The following AMOTL1 variants were observed in gnomAD, a reference collection of about 807,000 sequenced individuals.
AMOTL1 encodes angiomotin like 1.
Under a neutral mutation model 102.9 loss-of-function variants are expected in AMOTL1, and 45 were observed. The observed-to-expected ratio is 0.44, with a 90% CI of 0.34 to 0.56. AMOTL1 has a LOEUF of 0.56. Ranked by LOEUF, AMOTL1 falls within the 20% of genes least tolerant of loss-of-function variation. AMOTL1 has a pLI of 0.01. For synonymous variants in AMOTL1, 481 were observed against 484.7 expected (o/e 0.99, Z 0.10); for missense variants, 1,114 against 1,225.6 (o/e 0.91, Z 1.36).
rs141413509 is a variant in AMOTL1, at chr11:94,786,909, A to G, written c.50-8102A>G. ...CATGATGTGTCAGAAACTCTTCGGT[A>G]CTAGGAACATATGCAGACGATTCAT... On this transcript the variant is annotated intron_variant, in intron 1 of 12. Coordinates refer to ENST00000433060, the MANE Select transcript of AMOTL1 (RefSeq NM_130847.3). Among the ~76,000 whole-genome samples, 536 of 152,354 alleles carry G rather than the reference A, an allele frequency of 3.5e-3. 6 individuals are homozygous for G. The highest frequency in any genetic ancestry group is 0.012 in the African/African-American group (496 of 41,584).
At chr11:94,863,422 A>G (rs1426092629) in intron 9 of AMOTL1, among the ~76,000 whole-genome samples, 1 of 152,090 alleles carries the variant, frequency 6.6e-6, no homozygotes, top group Non-Finnish European at 1.5e-5. Flanking sequence ...GTGAAACACC[A>G]TTTCTACTAA....
In AMOTL1 at chr11:94,821,611, A is replaced by G. The variant is rs1334814827; in HGVS notation, c.1203A>G (p.Pro401=). 3 of 1,613,704 alleles carry G rather than the reference A, an allele frequency of 1.9e-6. No homozygotes were observed. In the African/African-American group the frequency reaches 4.0e-5, roughly 22 times the overall value. Residue 401 remains proline (P), a synonymous_variant, in exon 4 of 13, where the codon CCA becomes CCG. Coordinates refer to ENST00000433060, the MANE Select transcript of AMOTL1 (RefSeq NM_130847.3). ...MSSQTSSASG[P]LHSVSLPLPL... Reference sequence around the variant, plus strand: ...CCCAGACCTCTTCCGCCAGCGGGCCACTGCACTCTGTCTCCCTGCCGCTTC... The same window carrying G: ...CCCAGACCTCTTCCGCCAGCGGGCCGCTGCACTCTGTCTCCCTGCCGCTTC...
chr11:94,821,782 A>G lies in AMOTL1; in HGVS notation c.1374A>G (p.Glu458=). ...LTEENRVLHQ[E]LQGYYDNADK... ...AGGAGAACCGGGTGCTTCACCAGGA[A>G]CTTCAGGGTTACTACGACAATGCCG... The change falls in exon 4 of 13, where the codon GAA becomes GAG. Residue 458 remains glutamate, a synonymous_variant. Coordinates refer to ENST00000433060, the MANE Select transcript of AMOTL1 (RefSeq NM_130847.3). 6.2e-7 allele frequency: 1 copy of G among 1,614,016 alleles called. No individual in the cohort carries two copies. The highest frequency in any genetic ancestry group is 1.3e-5 in the African/African-American group (1 of 75,048).
intron 5 of AMOTL1, 91 bp downstream of exon 5, chr11:94,830,285 A>G: frequency 4.8e-6 from 6 of 1,249,656 alleles, no homozygotes; most frequent in Non-Finnish European, 6.5e-6. Flanking sequence ...GCTTTGCCAC[A>G]GGTACTGGTC....
chr11:94,816,419 C>A (rs148482109), intron 3 of AMOTL1, among the ~76,000 whole-genome samples: 1 of 152,144 alleles, frequency 6.6e-6, no homozygotes, highest in African/African-American at 2.4e-5. Context: ...AATTGAAGTA[C>A]GCTTTTTATT....
At chr11:94,774,827 G>A (rs1951001498) in intron 1 of AMOTL1, among the ~76,000 whole-genome samples, 1 of 152,318 alleles carries the variant, frequency 6.6e-6, no homozygotes, top group Non-Finnish European at 1.5e-5. Context: ...TTGGAATGGA[G>A]TTTGTTCATC....
At chr11:94,831,349 G>T in intron 5 of AMOTL1, 103 bp from the exon 6 acceptor site, 1 of 903,040 alleles carries the variant, frequency 1.1e-6, no homozygotes, top group Non-Finnish European at 1.7e-6. Context: ...TCCTGCCTGA[G>T]CATCTCTTCC....
chr11:94,750,717 A>G (rs1378577564), intron 3 of AMOTL1, among the ~76,000 whole-genome samples: 1 of 152,188 alleles, frequency 6.6e-6, no homozygotes, highest in Non-Finnish European at 1.5e-5. Context: ...ACTTTTTCTC[A>G]GGATGATTGA....
chr11:94,818,331 G>A lies in AMOTL1; in HGVS notation c.1122-3199G>A, dbSNP rs376508374. ...ATGTCACTTTCTGACAGGCCCAGGA[G>A]CCCTAAGTTTTCTTGGGCCCTTGAG... On this transcript the variant is annotated intron_variant, in intron 3 of 12. Coordinates refer to ENST00000433060, the MANE Select transcript of AMOTL1 (RefSeq NM_130847.3). Among the ~76,000 whole-genome samples, 50 of 152,326 alleles carry A rather than the reference G, an allele frequency of 3.3e-4. 1 individual carries two copies. Among genetic ancestry groups the A allele is most frequent in the African/African-American group, 1.0e-3 (43 of 41,586 alleles).
rs759859520 is a variant in AMOTL1 at position 94,869,471 on chromosome 11, T to G, written c.2762T>G (p.Leu921Arg). The change falls in exon 12 of 13, where the codon CTG becomes CGG. Residue 921 changes from leucine (L) to arginine (R), a missense_variant and splice_region_variant. Leu to Arg is a moderately radical substitution (Grantham distance 102). Coordinates refer to ENST00000433060, the MANE Select transcript of AMOTL1 (RefSeq NM_130847.3). ...GCGGCCAAAGGGACCGCAGAGAAACTGGGTATGTGGGCTACCCCACCTTGA... is the reference window on the plus strand; with the variant it reads ...GCGGCCAAAGGGACCGCAGAGAAACGGGGTATGTGGGCTACCCCACCTTGA... ...HPAAKGTAEK[L>R]ENSPGHGKSP... The G allele has an allele frequency of 2.4e-5, 38 of 1,592,876 alleles. No individual in the cohort carries two copies. In the African/African-American group the frequency reaches 4.4e-4, roughly 19 times the overall value.
intron 1 of AMOTL1, among the ~76,000 whole-genome samples, chr11:94,725,478 C>T (rs72967841): frequency 0.029 from 4,445 of 152,152 alleles, 100 homozygotes; most frequent in Non-Finnish European, 0.048. Context: ...TAAGTGCCTC[C>T]CTTATGATGA....
chr11:94,821,616 A>G lies in AMOTL1; in HGVS notation c.1208A>G (p.His403Arg), dbSNP rs370254208. 7 of 1,613,354 alleles carry G rather than the reference A, an allele frequency of 4.3e-6. No homozygotes were observed. Among genetic ancestry groups the G allele is most frequent in the Non-Finnish European group, 5.9e-6 (7 of 1,179,760 alleles). ...SQTSSASGPL[H>R]SVSLPLPLPM... ...ACCTCTTCCGCCAGCGGGCCACTGC[A>G]CTCTGTCTCCCTGCCGCTTCCACTC... Residue 403 changes from histidine to arginine, a missense_variant, in exon 4 of 13, where the codon CAC becomes CGC. Physicochemically the swap from His to Arg is conservative, Grantham distance 29 (BLOSUM62 0). Coordinates refer to ENST00000433060, the MANE Select transcript of AMOTL1 (RefSeq NM_130847.3).
At chr11:94,725,462 C>G (rs891041877) in intron 1 of AMOTL1, among the ~76,000 whole-genome samples, 17 of 152,146 alleles carry the variant, frequency 1.1e-4, no homozygotes, top group Admixed American at 1.1e-3. Flanking sequence ...TTCAGCAAAT[C>G]TATATTAAGT....
chr11:94,804,271 T>C (rs1196314749), intron 3 of AMOTL1, among the ~76,000 whole-genome samples: 3 of 152,244 alleles, frequency 2.0e-5, no homozygotes, highest in Non-Finnish European at 4.4e-5. Flanking sequence ...TTGCAAAATC[T>C]TTGCTAATTT....
chr11:94,827,741 G>A (rs537896324), intron 4 of AMOTL1, among the ~76,000 whole-genome samples: 4 of 152,288 alleles, frequency 2.6e-5, no homozygotes, highest in Admixed American at 1.3e-4. Context: ...GTTGGCTGCC[G>A]CTAAGCAGAA....
intron 3 of AMOTL1, among the ~76,000 whole-genome samples, chr11:94,756,493 T>C: frequency 6.6e-6 from 1 of 152,230 alleles, no homozygotes; most frequent in Non-Finnish European, 1.5e-5. Flanking sequence ...CTTATTCGGC[T>C]GCATCTGGTA....
chr11:94,809,341 G>A lies in AMOTL1; in HGVS notation c.1121+9030G>A, dbSNP rs1591988496. On this transcript the variant is annotated intron_variant, in intron 3 of 12. Coordinates refer to ENST00000433060, the MANE Select transcript of AMOTL1 (RefSeq NM_130847.3). ...TCAGTTCAGACTAGCCACATTTCAAGTACCCAATAGCCTAGTGGTTAGTGG... is the reference window on the plus strand; with the variant it reads ...TCAGTTCAGACTAGCCACATTTCAAATACCCAATAGCCTAGTGGTTAGTGG... 2.0e-5 allele frequency among the ~76,000 whole-genome samples: 3 copies of A among 152,180 alleles called. No individual in the cohort carries two copies. The South Asian group carries it at 6.2e-4, about 32-fold the overall frequency.
At chr11:94,838,575 T>C (rs956092272) in intron 6 of AMOTL1, among the ~76,000 whole-genome samples, 1 of 152,172 alleles carries the variant, frequency 6.6e-6, no homozygotes, top group Non-Finnish European at 1.5e-5. Context: ...GGGTTTGGCC[T>C]GCAGGTCATA....
intron 3 of AMOTL1, among the ~76,000 whole-genome samples, chr11:94,758,995 C>T (rs896145896): frequency 6.6e-6 from 1 of 152,158 alleles, no homozygotes; most frequent in African/African-American, 2.4e-5. Context: ...CTGCCTCATT[C>T]TTATTTCAAG....
Sources: gnomAD v4.1 joint callset for allele counts (sites outside exome capture counted in the v4.1 genomes callset) on GRCh38, gnomAD v4.1.1 for gene constraint, MANE v1.5 for transcripts, NCBI Gene and HGNC (gene_info 2026-07-23, HGNC 2026-07-21) for gene names.